Variants in STRADB observed in about 807,000 individuals in gnomAD.
STRADB encodes the protein STE20 related adaptor beta.
Under a neutral mutation model 52.1 loss-of-function variants are expected in STRADB, and 34 were observed. The observed-to-expected ratio is 0.65, with a 90% CI of 0.50 to 0.87. The LOEUF is 0.87. STRADB is among the 40% of genes least tolerant of loss of function. The pLI is 0.00. For missense variants in STRADB, 340 were observed against 483.9 expected, an observed-to-expected ratio of 0.70 and a Z score of 2.79; for synonymous variants, 133 against 174.5, an observed-to-expected ratio of 0.76 and a Z score of 1.87.
intron 3 of STRADB, among the ~76,000 whole-genome samples, chr2:201,464,482 G>A (rs948462650): frequency 1.4e-4 from 21 of 152,248 alleles, no homozygotes; most frequent in South Asian, 6.2e-4. Flanking sequence ...GGAGCTGGGC[G>A]AGGGGTGACA....
At chr2:201,468,089 T>TTC (rs1559465572) in intron 3 of STRADB, among the ~76,000 whole-genome samples, 1 of 93,698 alleles carries the variant, frequency 1.1e-5, no homozygotes, top group Non-Finnish European at 2.1e-5. Flanking sequence ...TTTTTTCTTT[T>TTC]TTTTTTTTTT....
At chr2:201,458,747 T>C (rs201069774) in intron 2 of STRADB, 37 bp from the exon 3 acceptor site, 3 of 1,596,116 alleles carry the variant, frequency 1.9e-6, no homozygotes, top group East Asian at 2.2e-5. Context: ...ATCCTGTAAC[T>C]TATTTTTCAC....
intron 3 of STRADB, 144 bp downstream of exon 3, chr2:201,459,008 T>A: frequency 3.2e-6 from 2 of 623,772 alleles, no homozygotes; most frequent in Non-Finnish European, 5.7e-6. Flanking sequence ...AAAAAAATGG[T>A]TGAGTACAAT....
intron 3 of STRADB, among the ~76,000 whole-genome samples, chr2:201,469,109 A>G (rs1952350853): frequency 6.6e-6 from 1 of 152,106 alleles, no homozygotes; most frequent in Non-Finnish European, 1.5e-5. Flanking sequence ...ACTGTTTCAA[A>G]CTCCATCTCT....
At position 201,477,691 on chromosome 2, in the gene STRADB, T is replaced by C. The variant is rs374171162; in HGVS notation, c.621T>C (p.His207=). ...LVTLSGLSHL[H]SLVKHGQRHR... is the part of the protein sequence containing the mutation. ...CCCTCTCTGGCCTGTCCCATCTGCA[T>C]AGTTTGGTTAAGCATGGACAGAGGC... The change falls in exon 8 of 12, where the codon CAT becomes CAC. Residue 207 remains histidine, a synonymous_variant. Transcript: ENST00000194530. 3.7e-6 allele frequency: 6 copies of C among 1,613,364 alleles called. No homozygotes were observed. Among genetic ancestry groups the C allele is most frequent in the African/African-American group, 1.3e-5 (1 of 74,910 alleles).
chr2:201,452,551 G>T (rs1047457813), intron 1 of STRADB, among the ~76,000 whole-genome samples: 1 of 152,184 alleles, frequency 6.6e-6, no homozygotes, highest in Non-Finnish European at 1.5e-5. Flanking sequence ...CCCAGTAGGC[G>T]CTCAGTAAAG....
rs1952550776 is a variant in STRADB at position 201,480,303 on chromosome 2, T to C, written c.*128T>C. The stretch of plus-strand genomic sequence containing the variant: ...AGTTGGTGCACTGGAGAATCTATTA[T>C]TTAAAACCACTCTGTTCAAAGGGGC... On this transcript the variant is annotated 3_prime_UTR_variant, in exon 12 of 12. Coordinates refer to ENST00000194530, the MANE Select transcript of STRADB (RefSeq NM_018571.6). 1 of 1,520,886 alleles carries C rather than the reference T, an allele frequency of 6.6e-7. No individual in the cohort carries two copies. Among genetic ancestry groups the C allele is most frequent in the African/African-American group, 1.4e-5 (1 of 71,814 alleles). 94.2% of individuals were successfully genotyped at this position (1,520,886 alleles called of 1,614,324 possible). A position where few individuals can be genotyped will look rare whatever the true frequency, so the allele number is the denominator to read the frequency against.
intron 3 of STRADB, among the ~76,000 whole-genome samples, chr2:201,468,680 C>A (rs1322261494): frequency 6.6e-6 from 1 of 152,184 alleles, no homozygotes; most frequent in Non-Finnish European, 1.5e-5. Flanking sequence ...TTTAGTCCAT[C>A]ACCCAGTAAC....
At chr2:201,453,358 A>C (rs976378092) in intron 1 of STRADB, among the ~76,000 whole-genome samples, 43 of 152,240 alleles carry the variant, frequency 2.8e-4, no homozygotes, top group African/African-American at 9.2e-4. Flanking sequence ...TGACATCCAT[A>C]ACCCTTCTGC....
At chr2:201,459,015 C>G in intron 3 of STRADB, 151 bp downstream of exon 3, 1 of 608,368 alleles carries the variant, frequency 1.6e-6, no homozygotes, top group East Asian at 2.9e-5. Context: ...TGGTTGAGTA[C>G]AATGAATGCT....
At chr2:201,454,995 GA>G (rs1576549229) in intron 2 of STRADB, 143 bp downstream of exon 2, 2 of 638,450 alleles carry the variant, frequency 3.1e-6, no homozygotes, top group East Asian at 2.9e-5. Context: ...CTGGACTTGA[GA>G]AATGAATTAC....
At chr2:201,460,369 C>A (rs1009201990) in intron 3 of STRADB, among the ~76,000 whole-genome samples, 1 of 152,006 alleles carries the variant, frequency 6.6e-6, no homozygotes, top group Admixed American at 6.5e-5. Context: ...AAGCATAAAT[C>A]ATTTCTTTGT....
chr2:201,478,202 C>CTAAAA lies in STRADB; in HGVS notation c.825+13_825+17dup. ...ATGCATAGAACTCAGGTAAGTGCTG[C>CTAAAA]TAAAATCCCTGAGCTACTTGCCTTT... On this transcript the variant is annotated intron_variant, in intron 9 of 11. Transcript: ENST00000194530. 1 of 1,604,714 alleles carries CTAAAA rather than the reference C, an allele frequency of 6.2e-7. No homozygotes were observed. The highest frequency in any genetic ancestry group is 8.5e-7 in the Non-Finnish European group (1 of 1,176,304).
intron 5 of STRADB, 66 bp from the exon 6 acceptor site, chr2:201,474,581 G>A (rs1952442945): frequency 7.2e-6 from 10 of 1,396,092 alleles, no homozygotes; most frequent in South Asian, 3.7e-5. Flanking sequence ...TGCCACGACC[G>A]CCATTTTCAT....
chr2:201,472,874 A>G, intron 4 of STRADB, 81 bp from the exon 5 acceptor site: 1 of 1,426,098 alleles, frequency 7.0e-7, no homozygotes, highest in Non-Finnish European at 9.4e-7. Context: ...GAAGAGTAAG[A>G]CTTTTCAATT....
At chr2:201,464,885 C>T (rs188677944) in intron 3 of STRADB, among the ~76,000 whole-genome samples, 1 of 152,336 alleles carries the variant, frequency 6.6e-6, no homozygotes, top group Non-Finnish European at 1.5e-5. Context: ...GTCCCAGGCC[C>T]ATTGCAGAGT....
At chr2:201,458,244 G>A (rs1047255489) in intron 2 of STRADB, among the ~76,000 whole-genome samples, 1 of 152,150 alleles carries the variant, frequency 6.6e-6, no homozygotes, top group Non-Finnish European at 1.5e-5. Context: ...GCAGAAAAAT[G>A]TAAATTGCGA....
intron 3 of STRADB, among the ~76,000 whole-genome samples, chr2:201,461,404 C>T (rs1335932647): frequency 6.6e-6 from 1 of 152,148 alleles, no homozygotes; most frequent in African/African-American, 2.4e-5. Flanking sequence ...AACTCCTAGC[C>T]TCAAGTGATC....
chr2:201,463,806 G>T (rs1952255296), intron 3 of STRADB, among the ~76,000 whole-genome samples: 1 of 151,642 alleles, frequency 6.6e-6, no homozygotes, highest in Non-Finnish European at 1.5e-5. Context: ...TGTCTTCTCT[G>T]TATTTTCAAA....
Sources: gnomAD v4.1 joint callset for allele counts (sites outside exome capture counted in the v4.1 genomes callset) on GRCh38, gnomAD v4.1.1 for gene constraint, MANE v1.5 for transcripts, NCBI Gene and HGNC (gene_info 2026-07-23, HGNC 2026-07-21) for gene names.